The following LINGO2 variants were observed in gnomAD, a reference collection of about 807,000 sequenced individuals.
The protein encoded by LINGO2 is leucine-rich repeat and immunoglobulin-like domain-containing nogo receptor-interacting protein 2.
A neutral mutation model predicts 30.6 loss-of-function variants in LINGO2; 14 were observed. The ratio of observed to expected loss-of-function variants is 0.46; its 90% CI spans 0.30 to 0.72. The LOEUF (loss-of-function observed/expected upper bound fraction) is 0.72. Among genes scored for constraint, LINGO2 ranks in the 30% least tolerant of loss-of-function variants. LINGO2 has a pLI of 0.07. For missense variants in LINGO2, 729 were observed against 751.7 expected (o/e 0.97, Z 0.35); for synonymous variants, 317 against 288.5 (o/e 1.10, Z -1.00).
At chr9:28,627,588 C>T (rs928898857) in intron 1 of LINGO2, among the ~76,000 whole-genome samples, 1 of 151,980 alleles carries the variant, frequency 6.6e-6, no homozygotes, top group African/African-American at 2.4e-5. Context: ...TCTAAATCAC[C>T]ATCTTGTGTT....
At chr9:28,068,992 T>C (rs1156521763) in intron 4 of LINGO2, among the ~76,000 whole-genome samples, 1 of 152,086 alleles carries the variant, frequency 6.6e-6, no homozygotes, top group Non-Finnish European at 1.5e-5. Context: ...TCCAGAAACA[T>C]GCAATTTGGA....
At chr9:29,010,211 C>T in the LINGO2 span, among the ~76,000 whole-genome samples, 1 of 152,126 alleles carries the variant, frequency 6.6e-6, no homozygotes, top group African/African-American at 2.4e-5. Flanking sequence ...AGCTTCTGCA[C>T]AGCAAAAGAA....
the LINGO2 span, among the ~76,000 whole-genome samples, chr9:29,204,675 C>T: frequency 6.6e-6 from 1 of 152,176 alleles, no homozygotes; most frequent in Non-Finnish European, 1.5e-5. Context: ...AAACATACTG[C>T]ATGAATATTC....
intron 4 of LINGO2, among the ~76,000 whole-genome samples, chr9:28,259,198 C>T (rs1200373268): frequency 6.6e-6 from 1 of 151,884 alleles, no homozygotes; most frequent in African/African-American, 2.4e-5. Context: ...TTAGAATGTA[C>T]ATAATTTCTC....
chr9:28,319,263 C>T (rs767254343), intron 3 of LINGO2, among the ~76,000 whole-genome samples: 1 of 152,172 alleles, frequency 6.6e-6, no homozygotes, highest in Admixed American at 6.5e-5. Flanking sequence ...CCCCTCTCCT[C>T]CTCCATTCTC....
intron 5 of LINGO2, among the ~76,000 whole-genome samples, chr9:28,002,373 A>G (rs918839814): frequency 8.5e-5 from 13 of 152,166 alleles, no homozygotes; most frequent in African/African-American, 2.9e-4. Flanking sequence ...ACCACAACTG[A>G]GAAAGAAGCA....
At chr9:28,106,479 G>C (rs926031825) in intron 4 of LINGO2, among the ~76,000 whole-genome samples, 3 of 152,266 alleles carry the variant, frequency 2.0e-5, no homozygotes, top group East Asian at 3.9e-4. Flanking sequence ...GAATGAAAAA[G>C]TCGAAGAGGA....
At chr9:28,479,911 G>GTATATATATA (rs58972403) in intron 1 of LINGO2, among the ~76,000 whole-genome samples, 8 of 49,774 alleles carry the variant, frequency 1.6e-4, no homozygotes, top group Non-Finnish European at 2.9e-4. Flanking sequence ...ATATACGTAG[G>GTATATATATA]TATATATATA....
intron 1 of LINGO2, among the ~76,000 whole-genome samples, chr9:28,501,515 T>A (rs1172987803): frequency 1.3e-5 from 2 of 152,112 alleles, no homozygotes; most frequent in African/African-American, 4.8e-5. Flanking sequence ...TAAAAATAGA[T>A]CTAAAGTGCC....
chr9:28,419,083 T>G (rs1823084179), intron 2 of LINGO2, among the ~76,000 whole-genome samples: 1 of 152,138 alleles, frequency 6.6e-6, no homozygotes, highest in Non-Finnish European at 1.5e-5. Flanking sequence ...TTTACTAAAC[T>G]GCAGAATTAA....
intron 2 of LINGO2, among the ~76,000 whole-genome samples, chr9:28,427,728 G>A (rs975887871): frequency 5.9e-5 from 9 of 152,102 alleles, no homozygotes; most frequent in African/African-American, 2.2e-4. Flanking sequence ...AGGACAATGT[G>A]TTCGTTCCAA....
At chr9:28,849,682 C>A in the LINGO2 span, among the ~76,000 whole-genome samples, 3 of 151,868 alleles carry the variant, frequency 2.0e-5, no homozygotes, top group South Asian at 4.1e-4. Context: ...CACAAGCTAC[C>A]GAGCTTTGCA....
the LINGO2 span, among the ~76,000 whole-genome samples, chr9:28,883,628 G>GTGTATGTATATA: frequency 7.0e-4 from 45 of 64,180 alleles, 3 homozygotes; most frequent in African/African-American, 1.7e-3. Flanking sequence ...ATGTGTGTGT[G>GTGTATGTATATA]TATATATATA....
chr9:28,918,307 C>G, the LINGO2 span, among the ~76,000 whole-genome samples: 265 of 152,268 alleles, frequency 1.7e-3, 2 homozygotes, highest in African/African-American at 6.2e-3. Context: ...AAACCACCCC[C>G]CCAGGGTTCA....
chr9:29,040,783 G>C, the LINGO2 span, among the ~76,000 whole-genome samples: 1 of 151,854 alleles, frequency 6.6e-6, no homozygotes, highest in African/African-American at 2.4e-5. Context: ...ATATCCAAGA[G>C]CAGAAATGTT....
At chr9:28,377,088 T>G (rs993100241) in intron 2 of LINGO2, among the ~76,000 whole-genome samples, 6 of 151,238 alleles carry the variant, frequency 4.0e-5, no homozygotes, top group African/African-American at 1.5e-4. Flanking sequence ...TATAATATTA[T>G]ATTAAAATAC....
intron 4 of LINGO2, among the ~76,000 whole-genome samples, chr9:28,233,059 T>C (rs10968399): frequency 1.7e-3 from 208 of 125,830 alleles, no homozygotes; most frequent in Middle Eastern, 4.0e-3. Context: ...TATATATATA[T>C]ATTAGATATA....
the LINGO2 span, among the ~76,000 whole-genome samples, chr9:29,125,817 A>G: frequency 6.6e-6 from 1 of 152,166 alleles, no homozygotes; most frequent in Admixed American, 6.6e-5. Context: ...TTGTTTTAGA[A>G]CTAGTAAAAC....
chr9:28,523,648 C>A (rs541249202), intron 1 of LINGO2, among the ~76,000 whole-genome samples: 1 of 152,104 alleles, frequency 6.6e-6, no homozygotes, highest in South Asian at 2.1e-4. Flanking sequence ...GCAATGAACA[C>A]TCAAAAATAA....
Sources: allele counts gnomAD v4.1 joint callset (sites outside exome capture counted in the v4.1 genomes callset), GRCh38; gene constraint gnomAD v4.1.1; transcripts MANE v1.5; gene names NCBI Gene and HGNC (gene_info 2026-07-23, HGNC 2026-07-21).